ATP10A: variants seen among roughly 807,000 people sequenced by gnomAD.
ATP10A encodes the protein phospholipid-transporting ATPase VA.
A neutral mutation model predicts 147.8 loss-of-function variants in ATP10A; 111 were observed. That is an observed-to-expected ratio of 0.75 (90% CI 0.64 to 0.88). The LOEUF (loss-of-function observed/expected upper bound fraction) is 0.88. ATP10A is among the 40% of genes least tolerant of loss of function. The probability of loss-of-function intolerance (pLI) is 0.00; values close to 1 mark genes in which losing one functional copy is unlikely to be tolerated. For missense variants in ATP10A, 1,927 were observed against 1,959.0 expected, an observed-to-expected ratio of 0.98 and a Z score of 0.31; for synonymous variants, 875 against 841.6, an observed-to-expected ratio of 1.04 and a Z score of -0.69.
intron 2 of ATP10A, among the ~76,000 whole-genome samples, chr15:25,766,805 A>G (rs1889046446): frequency 6.6e-6 from 1 of 151,572 alleles, no homozygotes. Context: ...TGCCACGGGG[A>G]CTAGAGCTGC....
chr15:25,754,157 T>C (rs545248949), intron 2 of ATP10A, among the ~76,000 whole-genome samples: 139 of 151,966 alleles, frequency 9.1e-4, no homozygotes, highest in African/African-American at 3.2e-3. Context: ...TTTTTTGAGA[T>C]GGAGTCTCGC....
At chr15:25,791,152 C>T (rs1248064398) in intron 1 of ATP10A, among the ~76,000 whole-genome samples, 1 of 147,382 alleles carries the variant, frequency 6.8e-6, no homozygotes, top group Non-Finnish European at 1.5e-5. Context: ...ACGATCTCGA[C>T]TCACTGCAAC....
intron 3 of ATP10A, among the ~76,000 whole-genome samples, chr15:25,729,720 G>A (rs1410848737): frequency 2.6e-5 from 4 of 152,168 alleles, no homozygotes; most frequent in African/African-American, 9.7e-5. Flanking sequence ...GCCTGAGGTA[G>A]CCCGGCCTTC....
intron 2 of ATP10A, among the ~76,000 whole-genome samples, chr15:25,757,356 T>TA (rs1888471028): frequency 6.6e-6 from 1 of 152,064 alleles, no homozygotes; most frequent in East Asian, 1.9e-4. Flanking sequence ...AAATAAAGGT[T>TA]AAAATTCTAA....
intron 1 of ATP10A, among the ~76,000 whole-genome samples, chr15:25,826,025 A>T (rs1892098349): frequency 6.6e-6 from 1 of 152,224 alleles, no homozygotes; most frequent in Non-Finnish European, 1.5e-5. Flanking sequence ...TGAAAAGTAC[A>T]ATAAATGAAA....
intron 1 of ATP10A, among the ~76,000 whole-genome samples, chr15:25,853,676 G>A (rs1351663998): frequency 6.6e-6 from 1 of 152,054 alleles, no homozygotes; most frequent in African/African-American, 2.4e-5. Flanking sequence ...TGGAACCTGA[G>A]AATTGACAAT....
chr15:25,672,991 T>C (rs1899071407), downstream of ATP10A, among the ~76,000 whole-genome samples: 1 of 152,016 alleles, frequency 6.6e-6, no homozygotes, highest in Non-Finnish European at 1.5e-5. Context: ...CACGGCCACA[T>C]CCCAAGCGTA....
At chr15:25,721,471 C>T (rs8043329) in intron 7 of ATP10A, among the ~76,000 whole-genome samples, 186 bp downstream of exon 7, 149,893 of 152,156 alleles carry the variant, frequency 0.99, 73,880 homozygotes, top group East Asian at 1. Flanking sequence ...TAAATAGCAC[C>T]GGGCTTCAGG....
chr15:25,753,559 C>A (rs1888262303), intron 2 of ATP10A, among the ~76,000 whole-genome samples: 1 of 150,660 alleles, frequency 6.6e-6, no homozygotes, highest in Non-Finnish European at 1.5e-5. Flanking sequence ...TAACTGCACC[C>A]CCCCACAAGT....
chr15:25,807,672 C>T (rs1378045759), intron 1 of ATP10A, among the ~76,000 whole-genome samples: 3 of 151,996 alleles, frequency 2.0e-5, no homozygotes, highest in African/African-American at 7.2e-5. Flanking sequence ...CATGGTGGTG[C>T]ACACCTGTAA....
intron 1 of ATP10A, among the ~76,000 whole-genome samples, chr15:25,843,359 C>A (rs760203257): frequency 6.6e-5 from 10 of 152,034 alleles, no homozygotes; most frequent in Non-Finnish European, 1.3e-4. Context: ...GAAGGAAACT[C>A]CTCAGTGCAA....
chr15:25,746,683 T>C (rs1887859641), intron 2 of ATP10A, among the ~76,000 whole-genome samples: 1 of 152,192 alleles, frequency 6.6e-6, no homozygotes, highest in African/African-American at 2.4e-5. Flanking sequence ...AAAAGTCCCA[T>C]TTGCTTTGAA....
At chr15:25,783,211 T>A (rs186912673) in intron 1 of ATP10A, among the ~76,000 whole-genome samples, 222 of 152,234 alleles carry the variant, frequency 1.5e-3, no homozygotes, top group Middle Eastern at 6.8e-3. Flanking sequence ...TGGGTGATAC[T>A]GTAAAAGAGT....
chr15:25,721,145 A>G (rs1008155817), intron 7 of ATP10A, among the ~76,000 whole-genome samples: 1 of 152,166 alleles, frequency 6.6e-6, no homozygotes, highest in Non-Finnish European at 1.5e-5. Context: ...AGCCACAGAT[A>G]AGGAAGGGAG....
chr15:25,768,275 C>G (rs768429785), intron 2 of ATP10A, among the ~76,000 whole-genome samples: 16 of 152,158 alleles, frequency 1.1e-4, no homozygotes, highest in Non-Finnish European at 4.4e-5. Flanking sequence ...GGCCACTGCT[C>G]CTGTCACTGT....
intron 2 of ATP10A, among the ~76,000 whole-genome samples, chr15:25,743,892 C>T (rs1282699559): frequency 6.6e-6 from 1 of 152,118 alleles, no homozygotes; most frequent in Non-Finnish European, 1.5e-5. Flanking sequence ...CGCTGTATCA[C>T]TTTGATAGTG....
chr15:25,692,993 G>A (rs1307323090), intron 14 of ATP10A, among the ~76,000 whole-genome samples: 1 of 151,442 alleles, frequency 6.6e-6, no homozygotes, highest in East Asian at 2.0e-4. Context: ...TACAGATGGG[G>A]TTTCGCCCAC....
intron 1 of ATP10A, among the ~76,000 whole-genome samples, chr15:25,783,481 C>CA (rs1029495179): frequency 1.4e-5 from 2 of 147,006 alleles, no homozygotes; most frequent in African/African-American, 2.4e-5. Context: ...TGAGGGACCC[C>CA]CCCCTGGCAA....
At position 25,679,440 on chromosome 15, in the gene ATP10A, C is replaced by G. The variant is rs370512038; in HGVS notation, c.4401G>C (p.Ala1467=). 9 of 1,613,884 alleles carry G rather than the reference C, an allele frequency of 5.6e-6. No individual in the cohort carries two copies. Among genetic ancestry groups the G allele is most frequent in the Non-Finnish European group, 6.8e-6 (8 of 1,179,960 alleles). The change falls in exon 21 of 21, where the codon GCG becomes GCC. Residue 1467 remains alanine (A), a synonymous_variant. Transcript: ENST00000555815. ...GGGGCTGGACAGGAAGTCCACGTCCCGCTTGTCCATCTGCAAGCTGCTCCG... is the reference window on the plus strand; with the variant it reads ...GGGGCTGGACAGGAAGTCCACGTCCGGCTTGTCCATCTGCAAGCTGCTCCG... The part of the protein sequence containing the change: ...SRTEQLADGQ[A]GRGLPVQPHS...
Sources: gnomAD v4.1 joint callset for allele counts (sites outside exome capture counted in the v4.1 genomes callset) on GRCh38, gnomAD v4.1.1 for gene constraint, MANE v1.5 for transcripts, NCBI Gene and HGNC (gene_info 2026-07-23, HGNC 2026-07-21) for gene names.